The following FILIP1L variants were observed in gnomAD, a reference collection of about 807,000 sequenced individuals.
FILIP1L encodes the protein filamin A interacting protein 1 like.
A neutral mutation model predicts 96.6 loss-of-function variants in FILIP1L; 55 were observed. That is an observed-to-expected ratio of 0.57 (90% CI 0.46 to 0.71). The LOEUF is 0.71. Ranked by LOEUF, FILIP1L falls within the 30% of genes least tolerant of loss-of-function variation. The pLI is 0.00. For synonymous variants in FILIP1L, 467 were observed against 473.9 expected, an observed-to-expected ratio of 0.99 and a Z score of 0.19; for missense variants, 1,304 against 1,321.2, an observed-to-expected ratio of 0.99 and a Z score of 0.20.
At chr3:100,056,625 G>A (rs889192621) in intron 1 of FILIP1L, among the ~76,000 whole-genome samples, 16 of 151,808 alleles carry the variant, frequency 1.1e-4, no homozygotes, top group African/African-American at 3.9e-4. Flanking sequence ...CTAATGTTGA[G>A]TTTCTAGGCA....
chr3:99,988,973 T>C (rs1709434290), intron 1 of FILIP1L, among the ~76,000 whole-genome samples: 1 of 152,236 alleles, frequency 6.6e-6, no homozygotes, highest in Non-Finnish European at 1.5e-5. Context: ...AGTGTGACTG[T>C]GTCTATACCT....
chr3:99,853,221 T>G (rs996716952), intron 4 of FILIP1L, among the ~76,000 whole-genome samples: 1 of 152,242 alleles, frequency 6.6e-6, no homozygotes. Flanking sequence ...GCAAAGTGCT[T>G]CTTTCTCCTG....
At chr3:100,097,283 T>G (rs1306472260) in intron 1 of FILIP1L, among the ~76,000 whole-genome samples, 1 of 152,166 alleles carries the variant, frequency 6.6e-6, no homozygotes, top group Non-Finnish European at 1.5e-5. Context: ...ACAAAACCAG[T>G]CCCTGGTGCC....
At chr3:99,847,892 C>A (rs887127714) in intron 5 of FILIP1L, 1 of 955,438 alleles carries the variant, frequency 1.0e-6, no homozygotes, top group Non-Finnish European at 1.3e-6. Context: ...AGAAATATAA[C>A]ACAGAATGAC....
chr3:99,929,511 A>AGTGTGT (rs1252520553), intron 3 of FILIP1L, among the ~76,000 whole-genome samples: 1 of 123,944 alleles, frequency 8.1e-6, no homozygotes, highest in African/African-American at 3.1e-5. Flanking sequence ...GCAAGTTCCC[A>AGTGTGT]GAGTGTGTGT....
intron 1 of FILIP1L, among the ~76,000 whole-genome samples, chr3:99,998,858 C>T (rs746599542): frequency 4.6e-5 from 7 of 152,152 alleles, no homozygotes; most frequent in Non-Finnish European, 8.8e-5. Context: ...CGTGAGCCAC[C>T]GCGCCCGGCC....
intron 4 of FILIP1L, among the ~76,000 whole-genome samples, chr3:99,885,140 A>G (rs1464900677): frequency 6.6e-6 from 1 of 152,246 alleles, no homozygotes; most frequent in Non-Finnish European, 1.5e-5. Context: ...TTTGAACATA[A>G]TCAATTCTAA....
At chr3:100,065,594 C>T (rs1404898435) in intron 1 of FILIP1L, among the ~76,000 whole-genome samples, 2 of 152,132 alleles carry the variant, frequency 1.3e-5, no homozygotes, top group African/African-American at 2.4e-5. Flanking sequence ...ACTCTTTCTT[C>T]CTAATGAAAA....
At chr3:99,854,720 T>C (rs1266173108) in intron 4 of FILIP1L, among the ~76,000 whole-genome samples, 1 of 152,148 alleles carries the variant, frequency 6.6e-6, no homozygotes, top group African/African-American at 2.4e-5. Context: ...ACTACTGATC[T>C]ATGCATGTGT....
At chr3:99,878,873 C>CGAA (rs1705628241) in intron 4 of FILIP1L, among the ~76,000 whole-genome samples, 1 of 152,128 alleles carries the variant, frequency 6.6e-6, no homozygotes, top group Admixed American at 6.5e-5. Flanking sequence ...TATTTCCTTC[C>CGAA]CTCTTTCAAC....
chr3:100,065,208 T>A (rs1459463554), intron 1 of FILIP1L, among the ~76,000 whole-genome samples: 1 of 152,162 alleles, frequency 6.6e-6, no homozygotes, highest in Non-Finnish European at 1.5e-5. Flanking sequence ...TGAATCTGAA[T>A]CTCTGGGAGT....
At chr3:99,832,861 G>GT (rs532780860) in intron 5 of FILIP1L, among the ~76,000 whole-genome samples, 1,654 of 133,792 alleles carry the variant, frequency 0.012, 43 homozygotes, top group Non-Finnish European at 0.017. Flanking sequence ...AAAAAAAGTT[G>GT]TTTTTTTTTT....
chr3:100,020,581 A>C (rs115213344), intron 1 of FILIP1L, among the ~76,000 whole-genome samples: 2,123 of 152,230 alleles, frequency 0.014, 41 homozygotes, highest in African/African-American at 0.045. Context: ...CTTTTGCCAT[A>C]AGCTAAAAGG....
chr3:99,933,622 G>C (rs1707562416), intron 1 of FILIP1L, among the ~76,000 whole-genome samples: 1 of 151,892 alleles, frequency 6.6e-6, no homozygotes, highest in African/African-American at 2.4e-5. Flanking sequence ...CCTTACTCTG[G>C]GCTATAGAAA....
intron 4 of FILIP1L, among the ~76,000 whole-genome samples, chr3:99,885,250 C>G (rs1240339127): frequency 6.6e-6 from 1 of 152,212 alleles, no homozygotes; most frequent in Non-Finnish European, 1.5e-5. Flanking sequence ...CTCTTTCAGC[C>G]TACTTATTTG....
intron 1 of FILIP1L, among the ~76,000 whole-genome samples, chr3:99,986,205 C>T (rs1013542775): frequency 6.6e-6 from 1 of 152,102 alleles, no homozygotes; most frequent in African/African-American, 2.4e-5. Flanking sequence ...GTAAAGATAG[C>T]TTACATCAAT....
chr3:100,017,132 ATGTT>A (rs1361312880), intron 1 of FILIP1L, among the ~76,000 whole-genome samples: 1 of 152,180 alleles, frequency 6.6e-6, no homozygotes, highest in African/African-American at 2.4e-5. Flanking sequence ...TTTCCTGAAA[ATGTT>A]TGTCATCAAA....
chr3:100,015,235 A>C (rs542931841), intron 1 of FILIP1L, among the ~76,000 whole-genome samples: 9 of 151,760 alleles, frequency 5.9e-5, no homozygotes, highest in Non-Finnish European at 1.0e-4. Context: ...GCTCTCTGTT[A>C]TGTTCCCTTG....
At chr3:99,929,006 G>A (rs1688766) in intron 3 of FILIP1L, among the ~76,000 whole-genome samples, 28,247 of 152,156 alleles carry the variant, frequency 0.19, 2,959 homozygotes, top group South Asian at 0.25. Context: ...TTAGAGGTCA[G>A]TCCTGAGGTA....
Sources: allele counts gnomAD v4.1 joint callset (sites outside exome capture counted in the v4.1 genomes callset), GRCh38; gene constraint gnomAD v4.1.1; transcripts MANE v1.5; gene names NCBI Gene and HGNC (gene_info 2026-07-23, HGNC 2026-07-21).